Variants in RMND1 observed in about 807,000 individuals in gnomAD.
The protein encoded by RMND1 is required for meiotic nuclear division protein 1 homolog.
In RMND1, 41 loss-of-function variants were observed where a neutral mutation model predicts 54.0. That is an observed-to-expected ratio of 0.76 (90% CI 0.59 to 0.98). The LOEUF (loss-of-function observed/expected upper bound fraction) is 0.98. Among genes scored for constraint, RMND1 ranks in the 50% least tolerant of loss-of-function variants. The pLI, the probability that RMND1 is intolerant of heterozygous loss-of-function variation, is 0.00. For synonymous variants in RMND1, 183 were observed against 181.7 expected, an observed-to-expected ratio of 1.01 and a Z score of -0.06; for missense variants, 457 against 532.0, an observed-to-expected ratio of 0.86 and a Z score of 1.39.
chr6:151,437,783 C>T (rs1016129651), intron 2 of RMND1, among the ~76,000 whole-genome samples: 10 of 152,178 alleles, frequency 6.6e-5, no homozygotes, highest in African/African-American at 2.4e-4. Context: ...CATGAAATGG[C>T]CTGACCCCAT....
intron 8 of RMND1, 115 bp from the exon 9 acceptor site, chr6:151,421,436 T>C: frequency 3.1e-6 from 2 of 642,472 alleles, no homozygotes; most frequent in Non-Finnish European, 5.5e-6. Context: ...GTAAATATTT[T>C]TTAGGATGGC....
chr6:151,427,348 C>A lies in RMND1; in HGVS notation c.830+134G>T, dbSNP rs182201769. 1.0e-3 allele frequency: 520 copies of A among 510,934 alleles called. 3 individuals are homozygous for A. The highest frequency in any genetic ancestry group is 9.4e-3 in the African/African-American group (480 of 51,158). The allele number at this position is 510,934 out of a possible 1,614,324, so 31.7% of individuals were successfully genotyped here. On this transcript the variant is annotated intron_variant, in intron 6 of 11. Coordinates refer to ENST00000444024, the MANE Select transcript of RMND1 (RefSeq NM_017909.4). ...CCGAGATTGTGCCACTGCACTCCAT[C>A]CTGGGCGACAGAGTGAGACTCCGTC...
In RMND1 at chr6:151,404,929, T is replaced by A; in HGVS notation, c.*306A>T. 1 of 266,314 alleles carries A rather than the reference T, an allele frequency of 3.8e-6. No homozygotes were observed. 16.5% of individuals were successfully genotyped at this position (266,314 alleles called of 1,614,324 possible). A position where few individuals can be genotyped will look rare whatever the true frequency, so the allele number is the denominator to read the frequency against. ...TGTTGCCCTGGCTGGAGTGCAGTGG[T>A]GTGATCTTAGCTCACTGCAACCTCC... On this transcript the variant is annotated 3_prime_UTR_variant, in exon 12 of 12. Coordinates refer to ENST00000444024, the MANE Select transcript of RMND1 (RefSeq NM_017909.4).
intron 10 of RMND1, among the ~76,000 whole-genome samples, chr6:151,409,385 CTT>C (rs780415015): frequency 1.3e-5 from 2 of 152,130 alleles, no homozygotes; most frequent in African/African-American, 2.4e-5. Context: ...ACCCAGATGA[CTT>C]TTAAGTTTCT....
At chr6:151,437,093 T>G (rs1780636189) in intron 2 of RMND1, among the ~76,000 whole-genome samples, 1 of 152,244 alleles carries the variant, frequency 6.6e-6, no homozygotes, top group Non-Finnish European at 1.5e-5. Context: ...GTTTGGTTTG[T>G]ACTTTGTCTC....
intron 6 of RMND1, among the ~76,000 whole-genome samples, chr6:151,423,851 CTT>C (rs34456849): frequency 9.9e-4 from 139 of 140,156 alleles, no homozygotes; most frequent in African/African-American, 3.4e-3. Context: ...TACAAGAAAA[CTT>C]TTTTTTTTTT....
intron 9 of RMND1, 49 bp from the exon 10 acceptor site, chr6:151,417,448 A>G (rs1474800128): frequency 1.4e-6 from 2 of 1,411,400 alleles, no homozygotes; most frequent in East Asian, 5.0e-5. Flanking sequence ...ATTAAAAATC[A>G]TTGTTTCTAT....
chr6:151,436,441 A>G lies in RMND1; in HGVS notation c.613+5T>C. 2 of 1,613,886 alleles carry G rather than the reference A, an allele frequency of 1.2e-6. No individual in the cohort carries two copies. The highest frequency in any genetic ancestry group is 1.7e-6 in the Non-Finnish European group (2 of 1,179,748). On this transcript the variant is annotated splice_donor_5th_base_variant and intron_variant, in intron 3 of 11. Coordinates refer to ENST00000444024, the MANE Select transcript of RMND1 (RefSeq NM_017909.4). ...ATACTTGGCCCCAGGTTCAAGAAGA[A>G]GTACCTCTAGGCAAGCTTGTTACTT...
chr6:151,405,399 C>T (rs1779577706), intron 11 of RMND1, 132 bp from the exon 12 acceptor site: 7 of 798,644 alleles, frequency 8.8e-6, no homozygotes, highest in South Asian at 5.0e-5. Context: ...CACGTGGCAA[C>T]CTATGAATTG....
intron 2 of RMND1, among the ~76,000 whole-genome samples, chr6:151,439,064 A>G (rs1489008782): frequency 6.6e-6 from 1 of 152,192 alleles, no homozygotes; most frequent in Non-Finnish European, 1.5e-5. Context: ...CAGTGAGCCA[A>G]AATTGCACCA....
At chr6:151,451,422 C>T (rs1781192265) in intron 1 of RMND1, among the ~76,000 whole-genome samples, 1 of 152,044 alleles carries the variant, frequency 6.6e-6, no homozygotes, top group Non-Finnish European at 1.5e-5. Flanking sequence ...ATCTTTTGAA[C>T]CTTGCATTGG....
At chr6:151,450,674 C>T (rs1247249037) in intron 1 of RMND1, among the ~76,000 whole-genome samples, 1 of 151,802 alleles carries the variant, frequency 6.6e-6, no homozygotes, top group Non-Finnish European at 1.5e-5. Context: ...AGCCCCTCTG[C>T]CCGGCCACCA....
chr6:151,416,792 A>G (rs764979916), intron 10 of RMND1: 1 of 152,604 alleles, frequency 6.6e-6, no homozygotes, highest in Non-Finnish European at 1.5e-5. Flanking sequence ...CTCTAATCTC[A>G]GCATATCTTA....
chr6:151,446,927 TAATC>T (rs1780969283), intron 1 of RMND1, among the ~76,000 whole-genome samples: 2 of 151,256 alleles, frequency 1.3e-5, no homozygotes, highest in South Asian at 2.1e-4. Flanking sequence ...TAGACCGTAG[TAATC>T]AATAATTCTT....
chr6:151,432,578 C>T (rs977604791), intron 4 of RMND1, among the ~76,000 whole-genome samples: 5 of 152,064 alleles, frequency 3.3e-5, no homozygotes, highest in African/African-American at 7.2e-5. Context: ...AGACCTTCAT[C>T]GGTGTGCTGA....
Position 151,422,597 on chromosome 6 carries a change from C to T in RMND1, c.946G>A (p.Ala316Thr). ...SNALCLSVKL[A>T]IWEASLDKFI... ...TTATCCAGTGATGCTTCCCAAATTG[C>T]CAGTTTTACTGGGAAAAAAATTAAT... Residue 316 changes from alanine (A) to threonine (T), a missense_variant, in exon 8 of 12, where the codon GCA becomes ACA. Transcript: ENST00000444024. 1 of 1,518,574 alleles carries T rather than the reference C, an allele frequency of 6.6e-7. No homozygotes were observed. The highest frequency in any genetic ancestry group is 8.9e-7 in the Non-Finnish European group (1 of 1,118,770). The allele number at this position is 1,518,574 out of a possible 1,614,324, so 94.1% of individuals were successfully genotyped here.
At chr6:151,436,789 G>C in intron 2 of RMND1, 1 of 398,146 alleles carries the variant, frequency 2.5e-6, no homozygotes, top group Non-Finnish European at 4.6e-6. Context: ...CAAAAAGATG[G>C]AATGGATTAT....
chr6:151,449,894 G>C (rs998341060), intron 1 of RMND1, among the ~76,000 whole-genome samples: 1 of 152,224 alleles, frequency 6.6e-6, no homozygotes, highest in Non-Finnish European at 1.5e-5. Flanking sequence ...CGAGTGATCT[G>C]CCAGCCTCGG....
intron 5 of RMND1, among the ~76,000 whole-genome samples, chr6:151,427,914 G>T (rs1368356336): frequency 2.0e-5 from 3 of 152,028 alleles, no homozygotes; most frequent in Non-Finnish European, 4.4e-5. Context: ...GCAGAGGCGG[G>T]TGGATCCTTG....
Sources: allele counts gnomAD v4.1 joint callset (sites outside exome capture counted in the v4.1 genomes callset), GRCh38; gene constraint gnomAD v4.1.1; transcripts MANE v1.5; gene names NCBI Gene and HGNC (gene_info 2026-07-23, HGNC 2026-07-21).